MYO18B: variants seen among roughly 807,000 people sequenced by gnomAD.
The protein encoded by MYO18B is unconventional myosin-XVIIIb.
MYO18B carries 204 observed loss-of-function variants against 273.0 expected under a neutral mutation model. The ratio of observed to expected loss-of-function variants is 0.75; its 90% CI spans 0.67 to 0.84. The LOEUF is 0.84. Ranked by LOEUF, MYO18B falls within the 40% of genes least tolerant of loss-of-function variation. The pLI, the probability that MYO18B is intolerant of heterozygous loss-of-function variation, is 0.00. For synonymous variants in MYO18B, 1,330 were observed against 1,305.7 expected (o/e 1.02, Z -0.40); for missense variants, 3,212 against 3,287.6 (o/e 0.98, Z 0.56).
chr22:25,930,129 C>T (rs1405213981), intron 34 of MYO18B, among the ~76,000 whole-genome samples: 1 of 152,126 alleles, frequency 6.6e-6, no homozygotes, highest in Non-Finnish European at 1.5e-5. Context: ...TCCCTCTTTG[C>T]CTGATAAGCA....
chr22:26,022,922 C>T (rs1935933855), intron 42 of MYO18B, among the ~76,000 whole-genome samples: 1 of 152,234 alleles, frequency 6.6e-6, no homozygotes, highest in South Asian at 2.1e-4. Context: ...AACCTATGGC[C>T]TCTGTACCTG....
intron 43 of MYO18B, among the ~76,000 whole-genome samples, chr22:26,029,487 C>A (rs778000069): frequency 6.6e-6 from 1 of 152,078 alleles, no homozygotes; most frequent in Admixed American, 6.5e-5. Flanking sequence ...ATTATGCTCT[C>A]GGGGACACAG....
intron 9 of MYO18B, among the ~76,000 whole-genome samples, chr22:25,780,590 C>CAAAAAAAAAAAAAAAAAAAAA (rs59082074): frequency 1.5e-5 from 1 of 65,218 alleles, no homozygotes; most frequent in East Asian, 4.7e-4. Context: ...AACTCCATCT[C>CAAAAAAAAAAAAAAAAAAAAA]AAAAAAAAAA....
intron 39 of MYO18B, among the ~76,000 whole-genome samples, chr22:25,967,254 TATTAA>T (rs2092989506): frequency 6.6e-6 from 1 of 152,210 alleles, no homozygotes; most frequent in African/African-American, 2.4e-5. Flanking sequence ...GGCAGGAGTA[TATTAA>T]ATTATTCAAA....
At chr22:26,057,633 T>C in the MYO18B span, among the ~76,000 whole-genome samples, 1 of 152,216 alleles carries the variant, frequency 6.6e-6, no homozygotes, top group East Asian at 1.9e-4. Context: ...TGACACTCAT[T>C]TGGGGGAATG....
In MYO18B at chr22:25,759,955, A is replaced by G. The variant is rs141841106; in HGVS notation, c.-109-1029A>G. ...TCCCAGAAAAGGGCTTTCTGGGTCA[A>G]AAGTTATCAAAATTTTCTAAGGCTC... On this transcript the variant is annotated intron_variant, in intron 1 of 43. Coordinates refer to ENST00000335473, the MANE Select transcript of MYO18B (RefSeq NM_032608.7). 5.8e-4 allele frequency among the ~76,000 whole-genome samples: 89 copies of G among 152,330 alleles called. 2 individuals carry two copies. The East Asian group carries it at 0.015, about 26-fold the overall frequency.
chr22:25,968,665 G>C (rs1487275368), intron 39 of MYO18B, among the ~76,000 whole-genome samples: 1 of 152,126 alleles, frequency 6.6e-6, no homozygotes, highest in Admixed American at 6.5e-5. Context: ...CTTCTCAAAG[G>C]GAGTGGCTCA....
At chr22:25,803,100 T>C (rs745571254) in intron 12 of MYO18B, among the ~76,000 whole-genome samples, 6 of 151,984 alleles carry the variant, frequency 3.9e-5, no homozygotes, top group Non-Finnish European at 7.4e-5. Flanking sequence ...TAGCTGGGAC[T>C]ACAGGCATGT....
At chr22:25,948,458 C>T (rs2092747809) in intron 36 of MYO18B, among the ~76,000 whole-genome samples, 2 of 123,012 alleles carry the variant, frequency 1.6e-5, no homozygotes, top group Admixed American at 8.1e-5. Context: ...TTCCTTCCTT[C>T]CTTCTTTCTT....
At chr22:25,760,434 A>AAAAAAAAAAAAAAAC (rs59165419) in intron 1 of MYO18B, among the ~76,000 whole-genome samples, 3 of 111,530 alleles carry the variant, frequency 2.7e-5, no homozygotes, top group Non-Finnish European at 3.5e-5. Flanking sequence ...AAAAAAAAAA[A>AAAAAAAAAAAAAAAC]CACAAAAACA....
At chr22:25,748,420 T>C (rs1028180710) in intron 1 of MYO18B, among the ~76,000 whole-genome samples, 2 of 152,132 alleles carry the variant, frequency 1.3e-5, no homozygotes, top group Non-Finnish European at 2.9e-5. Context: ...CTTTCGGAGC[T>C]CTGGTTCCAA....
At chr22:25,801,117 TAAG>T (rs2088173593) in intron 12 of MYO18B, among the ~76,000 whole-genome samples, 2 of 152,224 alleles carry the variant, frequency 1.3e-5, no homozygotes, top group South Asian at 4.1e-4. Flanking sequence ...TGAAATATAT[TAAG>T]AATCATTTTC....
chr22:25,774,017 G>T (rs113634432), intron 7 of MYO18B, among the ~76,000 whole-genome samples: 167 of 152,334 alleles, frequency 1.1e-3, no homozygotes, highest in African/African-American at 3.2e-3. Flanking sequence ...GACACCTGGT[G>T]TCTAGGAAAG....
At chr22:25,853,886 A>G (rs2090493605) in intron 21 of MYO18B, among the ~76,000 whole-genome samples, 1 of 152,168 alleles carries the variant, frequency 6.6e-6, no homozygotes, top group African/African-American at 2.4e-5. Flanking sequence ...GAATTTTGGT[A>G]GCAACGAAAA....
chr22:25,947,542 A>ACACC (rs1228713825), intron 35 of MYO18B, among the ~76,000 whole-genome samples, 170 bp from the exon 36 acceptor site: 7 of 140,218 alleles, frequency 5.0e-5, no homozygotes, highest in South Asian at 4.5e-4. Context: ...ACACACACAC[A>ACACC]CCAAGCTGTT....
At chr22:26,011,924 A>G (rs1376107291) in intron 42 of MYO18B, among the ~76,000 whole-genome samples, 2 of 152,218 alleles carry the variant, frequency 1.3e-5, no homozygotes, top group African/African-American at 2.4e-5. Context: ...TGGCTAAAAG[A>G]TGGCATTACA....
At chr22:26,016,602 C>T (rs1006118571) in intron 42 of MYO18B, among the ~76,000 whole-genome samples, 1 of 152,232 alleles carries the variant, frequency 6.6e-6, no homozygotes, top group African/African-American at 2.4e-5. Context: ...CAGCCCTTTG[C>T]ACATTCTTTC....
chr22:25,911,637 G>C (rs530716834), intron 33 of MYO18B, among the ~76,000 whole-genome samples: 1 of 152,326 alleles, frequency 6.6e-6, no homozygotes, highest in South Asian at 2.1e-4. Context: ...GTAGAGGGCT[G>C]TCCTGTACAT....
At chr22:25,938,271 G>T (rs905672291) in intron 34 of MYO18B, among the ~76,000 whole-genome samples, 3 of 152,158 alleles carry the variant, frequency 2.0e-5, no homozygotes, top group African/African-American at 7.2e-5. Context: ...TTTAAAGCAG[G>T]CAGATGGCTT....
Sources: allele counts gnomAD v4.1 joint callset (sites outside exome capture counted in the v4.1 genomes callset), GRCh38; gene constraint gnomAD v4.1.1; transcripts MANE v1.5; gene names NCBI Gene and HGNC (gene_info 2026-07-23, HGNC 2026-07-21).